Variants in TFDP1 observed in about 807,000 individuals in gnomAD.
The protein encoded by TFDP1 is transcription factor Dp-1.
TFDP1 carries 6 observed loss-of-function variants against 48.0 expected under a neutral mutation model. The observed-to-expected ratio is 0.13, with a 90% CI of 0.07 to 0.25. TFDP1 has a LOEUF of 0.25. Among genes scored for constraint, TFDP1 ranks in the 10% least tolerant of loss-of-function variants. The probability of loss-of-function intolerance (pLI) is 1.00; values close to 1 mark genes in which losing one functional copy is unlikely to be tolerated. For missense variants in TFDP1, 335 were observed against 543.0 expected (o/e 0.62, Z 3.81); for synonymous variants, 201 against 211.6 (o/e 0.95, Z 0.44).
intron 4 of TFDP1, among the ~76,000 whole-genome samples, chr13:113,631,323 C>A (rs371061480): frequency 1.3e-5 from 2 of 152,218 alleles, no homozygotes. Context: ...TTGGGGGTCA[C>A]GCTCTGCCCT....
At position 113,640,183 on chromosome 13, in the gene TFDP1, C is replaced by A. The variant is rs758691569; in HGVS notation, c.1149C>A (p.Gly383=). ...GCTCCAATGGGTCTCAGTACAGCGG[C>A]TCCAGGGTGGAGACTCCGGTGTCCT... ...ATSSNGSQYS[G]SRVETPVSYV... The change falls in exon 12 of 12, where the codon GGC becomes GGA. Residue 383 remains glycine (G), a synonymous_variant. Coordinates refer to ENST00000375370, the MANE Select transcript of TFDP1 (RefSeq NM_007111.5). The A allele has an allele frequency of 2.2e-5, 35 of 1,613,468 alleles. No individual in the cohort carries two copies. The highest frequency in any genetic ancestry group is 3.0e-5 in the Non-Finnish European group (35 of 1,179,854).
At chr13:113,637,684 T>C in intron 10 of TFDP1, 134 bp from the exon 11 acceptor site, 1 of 1,556,262 alleles carries the variant, frequency 6.4e-7, no homozygotes, top group South Asian at 1.2e-5. Context: ...TGGAAAATAC[T>C]GGACAAGCGA....
intron 4 of TFDP1, among the ~76,000 whole-genome samples, chr13:113,630,349 A>G (rs1024854449): frequency 1.4e-4 from 21 of 152,188 alleles, no homozygotes; most frequent in Admixed American, 3.3e-4. Context: ...ATGAGTGTCA[A>G]TGAAAAGATC....
At chr13:113,597,788 T>C (rs750683903) in intron 2 of TFDP1, among the ~76,000 whole-genome samples, 3 of 152,212 alleles carry the variant, frequency 2.0e-5, no homozygotes, top group Non-Finnish European at 4.4e-5. Context: ...TTGCCGTGTG[T>C]CCAATGTGAG....
At chr13:113,606,085 A>G (rs1454615806) in intron 2 of TFDP1, among the ~76,000 whole-genome samples, 4 of 113,572 alleles carry the variant, frequency 3.5e-5, no homozygotes, top group African/African-American at 3.5e-5. Context: ...ATGAGTGTCC[A>G]TAGGGGATCC....
rs80183622 is a variant in TFDP1, at chr13:113,614,652, C to G, written c.79+3590C>G. ...TCCTGGTCCTCCCAGCTCCACTCCACGTCACAGCCTCCCGGGGCCACTGTG... is the reference window on the plus strand; with the variant it reads ...TCCTGGTCCTCCCAGCTCCACTCCAGGTCACAGCCTCCCGGGGCCACTGTG... On this transcript the variant is annotated intron_variant, in intron 3 of 11. Transcript: ENST00000375370. 2.7e-3 allele frequency among the ~76,000 whole-genome samples: 412 copies of G among 152,328 alleles called. 1 individual carries two copies. The highest frequency in any genetic ancestry group is 9.5e-3 in the African/African-American group (394 of 41,584).
chr13:113,635,260 G>A (rs1361300662), intron 8 of TFDP1, among the ~76,000 whole-genome samples: 6 of 152,208 alleles, frequency 3.9e-5, no homozygotes, highest in African/African-American at 1.4e-4. Flanking sequence ...TGACCAAGGT[G>A]TGCTCGAGCC....
At chr13:113,591,275 A>G (rs1246885657) in intron 2 of TFDP1, among the ~76,000 whole-genome samples, 1 of 150,004 alleles carries the variant, frequency 6.7e-6, no homozygotes, top group Non-Finnish European at 1.5e-5. Context: ...CGGGAGGCGG[A>G]GGTTGCAGTG....
chr13:113,635,980 A>G lies in TFDP1; in HGVS notation c.691A>G (p.Ile231Val), dbSNP rs770474360. The G allele has an allele frequency of 2.5e-6, 4 of 1,611,968 alleles. No homozygotes were observed. In the South Asian group the frequency reaches 3.3e-5, roughly 13 times the overall value. The stretch of plus-strand genomic sequence containing the variant: ...TGGCTCCTCTTATTTTTTTTAGCAA[A>G]TTGCCTTCAAGAACCTGGTGCAGAG... ...SQLQELILQQ[I>V]AFKNLVQRNR... Residue 231 changes from isoleucine (I) to valine (V), a missense_variant, in exon 9 of 12, where the codon ATT becomes GTT. Transcript: ENST00000375370.
chr13:113,611,201 G>A (rs2048700791), intron 3 of TFDP1, 139 bp downstream of exon 3: 3 of 762,006 alleles, frequency 3.9e-6, no homozygotes, highest in Non-Finnish European at 6.7e-6. Flanking sequence ...GGGAACCCAG[G>A]AGGGTGGGCG....
At chr13:113,604,348 A>G (rs1279820759) in intron 2 of TFDP1, among the ~76,000 whole-genome samples, 1 of 152,136 alleles carries the variant, frequency 6.6e-6, no homozygotes, top group Non-Finnish European at 1.5e-5. Flanking sequence ...ACCCATAAGA[A>G]TGACTTCATA....
intron 2 of TFDP1, 182 bp downstream of exon 2, chr13:113,586,031 T>C (rs1465147048): frequency 4.9e-6 from 3 of 609,384 alleles, no homozygotes; most frequent in Non-Finnish European, 8.1e-6. Context: ...GAAGCTGCGG[T>C]CACCACCCAC....
intron 2 of TFDP1, among the ~76,000 whole-genome samples, chr13:113,599,438 G>A (rs1297617899): frequency 2.0e-5 from 3 of 152,146 alleles, no homozygotes; most frequent in Non-Finnish European, 4.4e-5. Flanking sequence ...GTTTGCATTG[G>A]AGCCTCGCCC....
intron 2 of TFDP1, among the ~76,000 whole-genome samples, chr13:113,592,477 G>A (rs2048170000): frequency 6.6e-6 from 1 of 152,158 alleles, no homozygotes. Flanking sequence ...TTTTTCTATG[G>A]TCCAGTTTCT....
In TFDP1 at chr13:113,613,649, G is replaced by A. The variant is rs184157771; in HGVS notation, c.79+2587G>A. On this transcript the variant is annotated intron_variant, in intron 3 of 11. Transcript: ENST00000375370. ...GGAGTGTGTGTGCATGTGTGTCTGC[G>A]TGAATGCGTGGGTATGAGTGTGTGT... is the stretch of plus-strand genomic sequence containing the variant. Among the ~76,000 whole-genome samples the A allele has an allele frequency of 3.1e-4, 47 of 149,846 alleles. 1 individual carries two copies. The highest frequency in any genetic ancestry group is 9.6e-4 in the African/African-American group (39 of 40,660).
Position 113,613,078 on chromosome 13 carries a change from G to A in TFDP1, c.79+2016G>A, listed in dbSNP as rs1337861740. On this transcript the variant is annotated intron_variant, in intron 3 of 11. Transcript: ENST00000375370. ...GTCGCCCAGGCTGGAGTGCAGTGGC[G>A]CCGTCTCGGCTCACTGCAACCTCTG... is the stretch of plus-strand genomic sequence containing the variant. Among the ~76,000 whole-genome samples, 5 of 152,290 alleles carry A rather than the reference G, an allele frequency of 3.3e-5. No homozygotes were observed. The East Asian group carries it at 5.8e-4, about 18-fold the overall frequency.
chr13:113,624,266 G>A (rs1475840871), intron 4 of TFDP1, among the ~76,000 whole-genome samples: 2 of 152,124 alleles, frequency 1.3e-5, no homozygotes, highest in East Asian at 1.9e-4. Context: ...ACCTCCGGGT[G>A]GGATGAGAAC....
intron 8 of TFDP1, among the ~76,000 whole-genome samples, chr13:113,635,101 C>T (rs894671703): frequency 6.6e-6 from 1 of 152,208 alleles, no homozygotes; most frequent in African/African-American, 2.4e-5. Flanking sequence ...CACAGTGCAC[C>T]TGGGTCTTGA....
intron 11 of TFDP1, among the ~76,000 whole-genome samples, chr13:113,639,905 G>A (rs1486309145): frequency 6.6e-6 from 1 of 152,246 alleles, no homozygotes; most frequent in East Asian, 1.9e-4. Context: ...ATGGGTTCCA[G>A]GAGACAGGGC....
Sources: gnomAD v4.1 joint callset for allele counts (sites outside exome capture counted in the v4.1 genomes callset) on GRCh38, gnomAD v4.1.1 for gene constraint, MANE v1.5 for transcripts, NCBI Gene and HGNC (gene_info 2026-07-23, HGNC 2026-07-21) for gene names.